SPOCK3: variants seen among roughly 807,000 people sequenced by gnomAD.
SPOCK3 encodes the protein SPARC (osteonectin), cwcv and kazal like domains proteoglycan 3.
A neutral mutation model predicts 56.6 loss-of-function variants in SPOCK3; 30 were observed. The ratio of observed to expected loss-of-function variants is 0.53; its 90% CI spans 0.40 to 0.72. The LOEUF (loss-of-function observed/expected upper bound fraction) is 0.72. Among genes scored for constraint, SPOCK3 ranks in the 30% least tolerant of loss-of-function variants. The pLI is 0.00. For missense variants in SPOCK3, 527 were observed against 530.0 expected (o/e 0.99, Z 0.06); for synonymous variants, 196 against 183.3 (o/e 1.07, Z -0.56).
intron 2 of SPOCK3, among the ~76,000 whole-genome samples, chr4:167,136,348 T>C (rs1763121094): frequency 6.6e-6 from 1 of 152,140 alleles, no homozygotes; most frequent in Non-Finnish European, 1.5e-5. Context: ...AGATTATGAA[T>C]GCTTTGAAAT....
intron 4 of SPOCK3, among the ~76,000 whole-genome samples, chr4:166,952,807 A>G (rs1742844184): frequency 6.6e-6 from 1 of 152,192 alleles, no homozygotes; most frequent in Non-Finnish European, 1.5e-5. Context: ...GATCTTTGAC[A>G]AACCTGAGAA....
At position 166,816,426 on chromosome 4, in the gene SPOCK3, T is replaced by C. The variant is rs575732604; in HGVS notation, c.590-24137A>G. 6.4e-4 allele frequency among the ~76,000 whole-genome samples: 98 copies of C among 152,108 alleles called. 2 individuals carry two copies. The highest frequency in any genetic ancestry group is 3.2e-3 in the Middle Eastern group (1 of 316). ...TCATGCCAAAATTGATTCTTATGTA[T>C]GTGTACATTTTGGCCCTGAGGATTT... On this transcript the variant is annotated intron_variant, in intron 6 of 10. Coordinates refer to ENST00000357545, the MANE Select transcript of SPOCK3 (RefSeq NM_001040159.2).
intron 2 of SPOCK3, among the ~76,000 whole-genome samples, chr4:167,232,869 G>A (rs944785483): frequency 1.3e-5 from 2 of 152,188 alleles, no homozygotes; most frequent in Admixed American, 1.3e-4. Context: ...GTTAGAGGAG[G>A]CAGGATGAAA....
At chr4:167,208,017 T>A (rs1244979424) in intron 2 of SPOCK3, among the ~76,000 whole-genome samples, 1 of 152,160 alleles carries the variant, frequency 6.6e-6, no homozygotes, top group Non-Finnish European at 1.5e-5. Flanking sequence ...AGGTACTTGA[T>A]ACTCTTACTC....
intron 8 of SPOCK3, among the ~76,000 whole-genome samples, chr4:166,749,595 C>A (rs1334493730): frequency 6.6e-6 from 1 of 151,540 alleles, no homozygotes; most frequent in Non-Finnish European, 1.5e-5. Flanking sequence ...ATGTAACAAA[C>A]CTGCACGTTG....
At chr4:166,860,166 T>C (rs967923882) in intron 6 of SPOCK3, among the ~76,000 whole-genome samples, 1 of 152,082 alleles carries the variant, frequency 6.6e-6, no homozygotes, top group African/African-American at 2.4e-5. Flanking sequence ...AAGAAATCTA[T>C]TGACAGTGAA....
At chr4:167,213,410 G>A (rs550621813) in intron 2 of SPOCK3, among the ~76,000 whole-genome samples, 50 of 152,008 alleles carry the variant, frequency 3.3e-4, no homozygotes, top group Non-Finnish European at 6.3e-4. Context: ...CTTTTTTCAT[G>A]TCACAAATTG....
chr4:167,014,446 G>C (rs1750403665), intron 3 of SPOCK3, among the ~76,000 whole-genome samples: 1 of 151,880 alleles, frequency 6.6e-6, no homozygotes, highest in Non-Finnish European at 1.5e-5. Flanking sequence ...TGGAGCTCAA[G>C]ACTAGCCTGG....
At chr4:166,887,042 C>G (rs1476674004) in intron 6 of SPOCK3, among the ~76,000 whole-genome samples, 1 of 152,026 alleles carries the variant, frequency 6.6e-6, no homozygotes, top group East Asian at 1.9e-4. Context: ...GATCTTTATC[C>G]CTTGATGATA....
chr4:167,044,210 T>C (rs1251681993), intron 3 of SPOCK3, among the ~76,000 whole-genome samples: 3 of 152,052 alleles, frequency 2.0e-5, no homozygotes, highest in Non-Finnish European at 4.4e-5. Flanking sequence ...TTCATCTAAG[T>C]TACCAAATTT....
intron 2 of SPOCK3, among the ~76,000 whole-genome samples, chr4:167,209,054 T>C (rs1734616294): frequency 6.6e-6 from 1 of 152,170 alleles, no homozygotes; most frequent in East Asian, 1.9e-4. Flanking sequence ...ATTATTGTCT[T>C]GTTTGCTGTA....
chr4:166,923,474 C>CA (rs1231947065), intron 4 of SPOCK3, among the ~76,000 whole-genome samples: 1 of 152,240 alleles, frequency 6.6e-6, no homozygotes, highest in South Asian at 2.1e-4. Flanking sequence ...TCTCTGATAA[C>CA]AAAAAAGCTT....
intron 6 of SPOCK3, among the ~76,000 whole-genome samples, chr4:166,880,488 C>T (rs1388072356): frequency 6.6e-6 from 1 of 152,144 alleles, no homozygotes; most frequent in Non-Finnish European, 1.5e-5. Flanking sequence ...TGTAAATTCT[C>T]CAGCGTTTAC....
intron 2 of SPOCK3, among the ~76,000 whole-genome samples, chr4:167,109,399 T>A (rs765485344): frequency 1.5e-5 from 1 of 67,690 alleles, no homozygotes; most frequent in South Asian, 4.9e-4. Flanking sequence ...AAATATATAT[T>A]TATATATAAA....
intron 2 of SPOCK3, among the ~76,000 whole-genome samples, chr4:167,148,960 T>C (rs1764193016): frequency 6.6e-6 from 1 of 152,168 alleles, no homozygotes; most frequent in Non-Finnish European, 1.5e-5. Flanking sequence ...CTGAATATTT[T>C]GTTTCACTTT....
At chr4:166,887,860 G>GAAA (rs71604450) in intron 6 of SPOCK3, among the ~76,000 whole-genome samples, 62 of 140,070 alleles carry the variant, frequency 4.4e-4, no homozygotes, top group African/African-American at 4.7e-4. Flanking sequence ...ATAACTTATG[G>GAAA]AAAAAAAAAA....
intron 6 of SPOCK3, among the ~76,000 whole-genome samples, chr4:166,883,487 T>C (rs1333614116): frequency 6.6e-6 from 1 of 152,200 alleles, no homozygotes; most frequent in Non-Finnish European, 1.5e-5. Flanking sequence ...ATCTTTTTGT[T>C]TATGTTGTGG....
chr4:166,976,307 C>CT (rs1745938934), intron 4 of SPOCK3, among the ~76,000 whole-genome samples: 2 of 152,196 alleles, frequency 1.3e-5, no homozygotes, highest in South Asian at 2.1e-4. Flanking sequence ...AAGCTCAATT[C>CT]TTTTTTTACT....
chr4:167,158,743 T>C (rs184024350), intron 2 of SPOCK3, among the ~76,000 whole-genome samples: 5 of 152,030 alleles, frequency 3.3e-5, no homozygotes, highest in African/African-American at 9.7e-5. Context: ...CAAAATCAAA[T>C]CCACACATAT....
Sources: gnomAD v4.1 joint callset for allele counts (sites outside exome capture counted in the v4.1 genomes callset) on GRCh38, gnomAD v4.1.1 for gene constraint, MANE v1.5 for transcripts, NCBI Gene and HGNC (gene_info 2026-07-23, HGNC 2026-07-21) for gene names.